Variants in UPB1 observed in about 807,000 individuals in gnomAD.
The protein encoded by UPB1 is beta-ureidopropionase.
A neutral mutation model predicts 49.1 loss-of-function variants in UPB1; 40 were observed. The observed-to-expected ratio is 0.81, with a 90% CI of 0.63 to 1.06. The LOEUF (loss-of-function observed/expected upper bound fraction) is 1.06, where lower values mean the gene tolerates loss of function less well. Ranked by LOEUF, UPB1 falls within the 50% of genes least tolerant of loss-of-function variation. The probability of loss-of-function intolerance (pLI) is 0.00; values close to 1 mark genes in which losing one functional copy is unlikely to be tolerated. For missense variants in UPB1, 499 were observed against 505.9 expected (o/e 0.99, Z 0.13); for synonymous variants, 207 against 198.2 (o/e 1.04, Z -0.38).
intron 1 of UPB1, among the ~76,000 whole-genome samples, chr22:24,498,219 A>G (rs1438271930): frequency 6.6e-6 from 1 of 152,184 alleles, no homozygotes; most frequent in Non-Finnish European, 1.5e-5. Context: ...ATCACCTCTG[A>G]AAGAGCCCTA....
chr22:24,502,316 T>A (rs2044007412), intron 3 of UPB1, 103 bp downstream of exon 3: 1 of 1,265,648 alleles, frequency 7.9e-7, no homozygotes, highest in African/African-American at 1.5e-5. Context: ...GAATCTCCTT[T>A]GTTTCCTCAT....
intron 4 of UPB1, among the ~76,000 whole-genome samples, chr22:24,513,061 T>A (rs2044234603): frequency 6.6e-6 from 1 of 152,244 alleles, no homozygotes; most frequent in African/African-American, 2.4e-5. Context: ...GATCAAATGG[T>A]AATTCTTGTT....
chr22:24,517,778 G>C (rs938737502), intron 6 of UPB1, among the ~76,000 whole-genome samples: 5 of 152,216 alleles, frequency 3.3e-5, no homozygotes, highest in African/African-American at 1.2e-4. Flanking sequence ...CAGGTCTTTT[G>C]GAAAGCAGTA....
chr22:24,509,761 A>G (rs905566047), intron 3 of UPB1, among the ~76,000 whole-genome samples: 2 of 152,130 alleles, frequency 1.3e-5, no homozygotes, highest in Non-Finnish European at 2.9e-5. Context: ...AATATTTACC[A>G]TTTTAACGTG....
At chr22:24,496,967 A>C (rs1355948199) in intron 1 of UPB1, among the ~76,000 whole-genome samples, 4 of 152,172 alleles carry the variant, frequency 2.6e-5, no homozygotes, top group African/African-American at 9.7e-5. Context: ...CTCCCTAGGC[A>C]GCAGGGAGAG....
intron 3 of UPB1, 44 bp from the exon 4 acceptor site, chr22:24,510,705 G>A (rs1345780420): frequency 1.9e-6 from 3 of 1,595,850 alleles, no homozygotes; most frequent in Non-Finnish European, 2.6e-6. Flanking sequence ...CCCCTCAGAG[G>A]CTGTGCATGT....
chr22:24,519,293 T>C (rs1035876263), intron 6 of UPB1, among the ~76,000 whole-genome samples: 6 of 152,058 alleles, frequency 3.9e-5, no homozygotes, highest in African/African-American at 1.4e-4. Context: ...TACTCCCTGG[T>C]TTAAACCAGG....
intron 1 of UPB1, among the ~76,000 whole-genome samples, chr22:24,496,410 C>CAT (rs1333359868): frequency 3.1e-4 from 44 of 141,164 alleles, no homozygotes; most frequent in Non-Finnish European, 5.7e-4. Flanking sequence ...CACATACACA[C>CAT]ACACACACAC....
In UPB1 at chr22:24,502,678, AC is replaced by A. The variant is rs997087147; in HGVS notation, c.364+467del. ...GTCAGATGGGTGTACAAGGTCTGTT[AC>A]CAAAAAATAGCTATTATCCCCAGCA... On this transcript the variant is annotated intron_variant, in intron 3 of 9. Transcript: ENST00000326010. The A allele has an allele frequency of 2.5e-5, 15 of 605,180 alleles. No homozygotes were observed. The African/African-American group carries it at 2.8e-4, about 11-fold the overall frequency. The allele number at this position is 605,180 out of a possible 1,614,324, so 37.5% of individuals were successfully genotyped here.
chr22:24,500,380 G>A, intron 2 of UPB1, 102 bp downstream of exon 2: 7 of 1,536,050 alleles, frequency 4.6e-6, no homozygotes, highest in Non-Finnish European at 5.3e-6. Flanking sequence ...GGGTCTGCAG[G>A]CTTGGGCGCC....
chr22:24,519,867 A>C (rs1356071405), intron 6 of UPB1: 1 of 241,524 alleles, frequency 4.1e-6, no homozygotes, highest in African/African-American at 2.3e-5. Flanking sequence ...GGCCCTGCAC[A>C]AGCCCACCAG....
chr22:24,521,291 G>A (rs2044387335), intron 7 of UPB1, among the ~76,000 whole-genome samples: 1 of 151,864 alleles, frequency 6.6e-6, no homozygotes, highest in Middle Eastern at 3.4e-3. Context: ...AGACCAGCCT[G>A]GCCAACATGG....
At position 24,496,416 on chromosome 22, in the gene UPB1, C is replaced by CACAT. The variant is rs1555883978; in HGVS notation, c.104+912_104+913insTACA. On this transcript the variant is annotated intron_variant, in intron 1 of 9. Transcript: ENST00000326010. ...ACACACACACACATACACACACACA[C>CACAT]ACACACACACGTCTTTGGATTTGGA... 2.6e-3 allele frequency among the ~76,000 whole-genome samples: 374 copies of CACAT among 144,762 alleles called. 2 individuals carry two copies. Among genetic ancestry groups the CACAT allele is most frequent in the African/African-American group, 9.9e-3 (355 of 35,712 alleles). The allele number at this position is 144,762 out of a possible 152,430, so 95.0% of individuals were successfully genotyped here.
chr22:24,517,277 C>G (rs982051587), intron 6 of UPB1, among the ~76,000 whole-genome samples: 1 of 152,190 alleles, frequency 6.6e-6, no homozygotes, highest in Non-Finnish European at 1.5e-5. Context: ...TCCATCTCCC[C>G]TCAGAGAACA....
At chr22:24,516,564 TG>T (rs1247824204) in intron 6 of UPB1, 2 of 152,310 alleles carry the variant, frequency 1.3e-5, no homozygotes, top group African/African-American at 4.8e-5. Context: ...TTTCACTTTC[TG>T]TGGTCTTGGC....
chr22:24,512,878 A>G (rs2044230850), intron 4 of UPB1, among the ~76,000 whole-genome samples: 2 of 152,250 alleles, frequency 1.3e-5, no homozygotes, highest in Non-Finnish European at 2.9e-5. Flanking sequence ...CTAAGGCTGA[A>G]TGATACTCCA....
At position 24,495,411 on chromosome 22, in the gene UPB1, G is replaced by C. The variant is rs758008546; in HGVS notation, c.8G>C (p.Gly3Ala). ...CACTGGCGGACCGTGGCCATGGCGG[G>C]CGCTGAGTGGAAGTCGCTGGAGGAA... MA[G>A]AEWKSLEECL... is the part of the protein sequence containing the mutation. The change falls in exon 1 of 10, where the codon GGC becomes GCC. Residue 3 changes from glycine to alanine, a missense_variant. By Grantham distance (60) the Gly-to-Ala change is moderately conservative (BLOSUM62 0). Coordinates refer to ENST00000326010, the MANE Select transcript of UPB1 (RefSeq NM_016327.3). 3 of 1,613,226 alleles carry C rather than the reference G, an allele frequency of 1.9e-6. No homozygotes were observed. Among genetic ancestry groups the C allele is most frequent in the Non-Finnish European group, 2.5e-6 (3 of 1,180,020 alleles).
intron 6 of UPB1, 79 bp downstream of exon 6, chr22:24,515,449 G>A: frequency 6.3e-7 from 1 of 1,597,678 alleles, no homozygotes; most frequent in South Asian, 1.1e-5. Flanking sequence ...GGAGCTCCAA[G>A]GTGGCAGCAG....
rs1241417113 is a variant in UPB1, at chr22:24,527,715, G to A, written c.*1921G>A. 2 of 152,080 alleles carry A rather than the reference G, an allele frequency of 1.3e-5. No individual in the cohort carries two copies. The highest frequency in any genetic ancestry group is 2.9e-5 in the Non-Finnish European group (2 of 68,070). The allele number at this position is 152,080 out of a possible 1,614,324, so 9.4% of individuals were successfully genotyped here. Reference sequence around the variant, plus strand: ...ACCAAGGATGAGAAACCCTGATGGAGCTGCCTGGCCACAGCTCTGCGGTAA... The same window carrying A: ...ACCAAGGATGAGAAACCCTGATGGAACTGCCTGGCCACAGCTCTGCGGTAA... On this transcript the variant is annotated 3_prime_UTR_variant, in exon 10 of 10. Transcript: ENST00000326010.
Sources: allele counts gnomAD v4.1 joint callset (sites outside exome capture counted in the v4.1 genomes callset), GRCh38; gene constraint gnomAD v4.1.1; transcripts MANE v1.5; gene names NCBI Gene and HGNC (gene_info 2026-07-23, HGNC 2026-07-21).